The following BCLAF3 variants were observed in gnomAD, a reference collection of about 807,000 sequenced individuals.
BCLAF3 encodes the protein transient octamer binding factor 1.
In BCLAF3, 24 loss-of-function variants were observed where a neutral mutation model predicts 51.2. The observed-to-expected ratio is 0.47, with a 90% CI of 0.34 to 0.66. BCLAF3 has a LOEUF of 0.66. BCLAF3 is among the 30% of genes least tolerant of loss of function. The pLI is 0.01. For synonymous variants in BCLAF3, 152 were observed against 176.6 expected (o/e 0.86, Z 1.10); for missense variants, 465 against 525.1 (o/e 0.89, Z 1.12).
chrX:19,935,097 T>C (rs1206940925), intron 10 of BCLAF3, among the ~76,000 whole-genome samples: 2 of 108,105 alleles, frequency 1.9e-5, no homozygotes, highest in Admixed American at 1.0e-4. Context: ...GGCAGGAGAA[T>C]AGCTTGAACC....
rs1241778957 is a variant in BCLAF3 at position 19,966,631 on chromosome X, A to G, written c.60T>C (p.Pro20=). ...TTTGCTTGTAGTGTTCAGCATTTCT[A>G]GGTACTGGTGATAAAGACCTATGTA... ...RWKHRSLSPV[P]RNAEHYKQRH... The change falls in exon 3 of 12, where the codon CCT becomes CCC. Residue 20 remains proline (P), a synonymous_variant. Coordinates refer to ENST00000379682, the MANE Select transcript of BCLAF3 (RefSeq NM_001367774.2). 8.3e-7 allele frequency: 1 copy of G among 1,206,880 alleles called. No homozygotes were observed. Among genetic ancestry groups the G allele is most frequent in the Non-Finnish European group, 1.1e-6 (1 of 894,054 alleles).
rs747788739 is a variant in BCLAF3 at position 19,966,595 on chromosome X, G to A, written c.96C>T (p.His32=). The A allele has an allele frequency of 4.1e-6, 5 of 1,210,903 alleles. No individual in the cohort carries two copies. The highest frequency in any genetic ancestry group is 1.8e-5 in the South Asian group (1 of 56,940). ...NAEHYKQRHS[H]GHYGCEYRKD... is the part of the protein sequence containing the mutation. Reference sequence around the variant, plus strand: ...TCCTATATTCACAGCCATAATGCCCGTGTGAATGTCTTTGCTTGTAGTGTT... The same window carrying A: ...TCCTATATTCACAGCCATAATGCCCATGTGAATGTCTTTGCTTGTAGTGTT... Residue 32 remains histidine (H), a synonymous_variant, in exon 3 of 12, where the codon CAC becomes CAT. Coordinates refer to ENST00000379682, the MANE Select transcript of BCLAF3 (RefSeq NM_001367774.2).
intron 11 of BCLAF3, among the ~76,000 whole-genome samples, chrX:19,920,549 G>A: frequency 8.9e-6 from 1 of 111,880 alleles, no homozygotes; most frequent in Non-Finnish European, 1.9e-5. Flanking sequence ...GCCAGGTGCA[G>A]TGGCTCACAC....
At chrX:19,933,137 G>A (rs892541071) in intron 10 of BCLAF3, among the ~76,000 whole-genome samples, 2 of 111,977 alleles carry the variant, frequency 1.8e-5, no homozygotes, top group Admixed American at 9.5e-5. Context: ...AGTTGTGAAA[G>A]GGAAGAACTG....
At chrX:19,928,860 G>A (rs746899536) in intron 11 of BCLAF3, 2 of 111,014 alleles carry the variant, frequency 1.8e-5, no homozygotes, top group Non-Finnish European at 3.8e-5. Flanking sequence ...CCTACACGTG[G>A]CATCTAAAAA....
intron 11 of BCLAF3, among the ~76,000 whole-genome samples, chrX:19,928,121 G>A (rs994719635): frequency 9.5e-5 from 10 of 105,287 alleles, no homozygotes; most frequent in East Asian, 3.2e-4. Context: ...GGGCTCAAGC[G>A]ATCCTCTCTC....
chrX:19,950,919 A>G (rs1177882410), intron 7 of BCLAF3, 51 bp from the exon 8 acceptor site: 2 of 847,772 alleles, frequency 2.4e-6, no homozygotes, highest in Non-Finnish European at 3.5e-6. Flanking sequence ...TTAGTTGCAC[A>G]AAGACCATAT....
intron 8 of BCLAF3, among the ~76,000 whole-genome samples, chrX:19,939,981 T>C (rs182615248): frequency 1.5e-4 from 17 of 112,300 alleles, no homozygotes; most frequent in Non-Finnish European, 3.2e-4. Context: ...TTTGTGAAGA[T>C]GAAAAAGTTC....
At chrX:19,924,171 G>C (rs1315403822) in intron 11 of BCLAF3, among the ~76,000 whole-genome samples, 2 of 111,812 alleles carry the variant, frequency 1.8e-5, no homozygotes, top group East Asian at 5.6e-4. Flanking sequence ...CTGGGAGGCA[G>C]CTGACAATCT....
At chrX:19,956,560 G>A (rs772514697) in intron 4 of BCLAF3, among the ~76,000 whole-genome samples, 59 of 111,530 alleles carry the variant, frequency 5.3e-4, no homozygotes, top group African/African-American at 1.9e-3. Context: ...AAACTACTCA[G>A]AAATGCTTTG....
At position 19,917,217 on chromosome X, in the gene BCLAF3, C is replaced by CT. The variant is rs2069959527; in HGVS notation, c.*87dup. ...TATCAAGAAGTTACAGTATTAGTGC[C>CT]TTAGTGTCACTTCTAACTCCTGACA... On this transcript the variant is annotated 3_prime_UTR_variant, in exon 12 of 12. Transcript: ENST00000379682. 1.2e-6 allele frequency: 1 copy of CT among 841,273 alleles called. No homozygotes were observed. The highest frequency in any genetic ancestry group is 1.8e-6 in the Non-Finnish European group (1 of 567,195). 69.3% of individuals were successfully genotyped at this position (841,273 alleles called of 1,213,427 possible). A position where few individuals can be genotyped will look rare whatever the true frequency, so the allele number is the denominator to read the frequency against.
chrX:19,951,894 C>T (rs1369015579), intron 7 of BCLAF3, among the ~76,000 whole-genome samples: 3 of 111,624 alleles, frequency 2.7e-5, no homozygotes, highest in African/African-American at 6.5e-5. Context: ...CACCACTGTA[C>T]TCCAGCCTGG....
chrX:19,950,641 T>C, intron 8 of BCLAF3, 112 bp downstream of exon 8: 1 of 484,679 alleles, frequency 2.1e-6, no homozygotes, highest in Non-Finnish European at 3.4e-6. Flanking sequence ...AAGATGGATT[T>C]GAAGGAGCAA....
At chrX:19,975,267 T>A (rs1257312378) in intron 1 of BCLAF3, among the ~76,000 whole-genome samples, 1 of 110,531 alleles carries the variant, frequency 9.0e-6, no homozygotes, top group African/African-American at 3.3e-5. Flanking sequence ...AAGAAGAATA[T>A]GTGACAGAGA....
At chrX:19,966,018 TA>T in intron 3 of BCLAF3, 61 bp downstream of exon 3, 1 of 1,020,630 alleles carries the variant, frequency 9.8e-7, no homozygotes, top group Non-Finnish European at 1.3e-6. Context: ...AACCATAAAG[TA>T]AACAGATCTT....
At chrX:19,944,578 T>C (rs2071185188) in intron 8 of BCLAF3, among the ~76,000 whole-genome samples, 1 of 81,041 alleles carries the variant, frequency 1.2e-5, no homozygotes, top group Admixed American at 1.2e-4. Flanking sequence ...AAAATTCTTT[T>C]CTTTAAGAAT....
chrX:19,966,469 A>G lies in BCLAF3; in HGVS notation c.222T>C (p.Tyr74=), dbSNP rs367941362. 1.1e-4 allele frequency: 136 copies of G among 1,209,636 alleles called. No individual in the cohort carries two copies. Among genetic ancestry groups the G allele is most frequent in the Non-Finnish European group, 1.3e-4 (120 of 895,146 alleles). Reference sequence around the variant, plus strand: ...TGTTAGGGGAAGGTGATCTATGTTCATAAGACTGGTAATATATATTTCCAC... The same window carrying G: ...TGTTAGGGGAAGGTGATCTATGTTCGTAAGACTGGTAATATATATTTCCAC... The part of the protein sequence containing the change: ...PSRGNIYYQS[Y]EHRSPSPNIR... The change falls in exon 3 of 12, where the codon TAT becomes TAC. Residue 74 remains tyrosine, a synonymous_variant. Coordinates refer to ENST00000379682, the MANE Select transcript of BCLAF3 (RefSeq NM_001367774.2).
At chrX:19,974,045 C>T (rs1010244022) in intron 1 of BCLAF3, among the ~76,000 whole-genome samples, 2 of 111,745 alleles carry the variant, frequency 1.8e-5, no homozygotes, top group South Asian at 7.5e-4. Context: ...AATACCATTG[C>T]CCCTTGGTAC....
intron 10 of BCLAF3, chrX:19,935,259 G>C (rs1367544410): frequency 9.0e-6 from 1 of 111,296 alleles, no homozygotes; most frequent in Non-Finnish European, 1.9e-5. Context: ...GAGGTGTTCT[G>C]GATAATCAAA....
Sources: gnomAD v4.1 joint callset for allele counts (sites outside exome capture counted in the v4.1 genomes callset) on GRCh38, gnomAD v4.1.1 for gene constraint, MANE v1.5 for transcripts, NCBI Gene and HGNC (gene_info 2026-07-23, HGNC 2026-07-21) for gene names.